The following TBXAS1 variants were observed in gnomAD, a reference collection of about 807,000 sequenced individuals.
TBXAS1 encodes the protein thromboxane-A synthase.
A neutral mutation model predicts 60.7 loss-of-function variants in TBXAS1; 48 were observed. The observed-to-expected ratio is 0.79, with a 90% CI of 0.63 to 1.01. The LOEUF (loss-of-function observed/expected upper bound fraction) is 1.01, where lower values mean the gene tolerates loss of function less well. Among genes scored for constraint, TBXAS1 ranks in the 50% least tolerant of loss-of-function variants. TBXAS1 has a pLI of 0.00. For missense variants in TBXAS1, 685 were observed against 686.3 expected (o/e 1.00, Z 0.02); for synonymous variants, 287 against 269.7 (o/e 1.06, Z -0.63).
chr7:139,831,652 C>T (rs1307649940), intron 1 of TBXAS1, among the ~76,000 whole-genome samples: 8 of 152,320 alleles, frequency 5.3e-5, no homozygotes, highest in Non-Finnish European at 4.4e-5. Context: ...ATCAAATGGG[C>T]TGGGCGCGGT....
chr7:139,821,300 G>A (rs565288703), intron 4 of TBXAS1, among the ~76,000 whole-genome samples: 24 of 152,312 alleles, frequency 1.6e-4, no homozygotes, highest in African/African-American at 5.8e-4. Flanking sequence ...TAGGCTGGTT[G>A]TCAGAGGATG....
intron 4 of TBXAS1, chr7:139,797,375 A>G (rs1020897455): frequency 3.3e-5 from 5 of 152,168 alleles, no homozygotes; most frequent in African/African-American, 4.8e-5. Flanking sequence ...CTCTGCTTGC[A>G]TTGGTCATTG....
rs989296545 is a variant in TBXAS1 at position 139,810,722 on chromosome 7, A to G, written c.-79-18590A>G. ...AGTGCACGCTCTGGGATTATTTTAT[A>G]CTTCACTAGGATGACTTATTTATAG... On this transcript the variant is annotated intron_variant, in intron 4 of 16. Transcript: ENST00000336425. 2.6e-5 allele frequency among the ~76,000 whole-genome samples: 4 copies of G among 152,206 alleles called. No individual in the cohort carries two copies. The East Asian group carries it at 7.7e-4, about 29-fold the overall frequency.
intron 1 of TBXAS1, among the ~76,000 whole-genome samples, chr7:139,847,465 G>A (rs1799894434): frequency 6.6e-6 from 1 of 152,146 alleles, no homozygotes; most frequent in South Asian, 2.1e-4. Flanking sequence ...CACTGCAAAT[G>A]TTTCTTTGCA....
At chr7:140,003,073 G>A (rs1283758421) in intron 9 of TBXAS1, among the ~76,000 whole-genome samples, 2 of 146,524 alleles carry the variant, frequency 1.4e-5, no homozygotes, top group African/African-American at 5.1e-5. Flanking sequence ...GCAGTGAGCC[G>A]AGACCGGGCC....
chr7:139,988,549 GA>G (rs2117577721), intron 9 of TBXAS1, among the ~76,000 whole-genome samples: 1 of 152,262 alleles, frequency 6.6e-6, no homozygotes, highest in African/African-American at 2.4e-5. Context: ...GTCCTGCCCA[GA>G]ACCCTGAGGG....
intron 3 of TBXAS1, among the ~76,000 whole-genome samples, chr7:139,892,648 A>G (rs1241591423): frequency 1.3e-5 from 2 of 152,112 alleles, no homozygotes; most frequent in African/African-American, 4.8e-5. Context: ...AAAAAACTTG[A>G]GCACCTACCT....
rs533333706 is a variant in TBXAS1 at position 139,814,955 on chromosome 7, G to A, written c.-79-14357G>A. 1.8e-3 allele frequency among the ~76,000 whole-genome samples: 274 copies of A among 152,288 alleles called. 4 individuals are homozygous for A. The highest frequency in any genetic ancestry group is 6.0e-3 in the African/African-American group (251 of 41,546). On this transcript the variant is annotated intron_variant, in intron 4 of 16. Transcript: ENST00000336425. ...TCATCCTCCCCTAGCACCTGTCTCT[G>A]TGCCTTTCACCTTAAGGGTGTTCTA...
intron 9 of TBXAS1, among the ~76,000 whole-genome samples, chr7:139,978,118 G>A (rs540127558): frequency 1.3e-5 from 2 of 152,270 alleles, no homozygotes; most frequent in South Asian, 4.1e-4. Flanking sequence ...GTTAAGGCCT[G>A]CTGCAGAAAC....
At chr7:139,783,470 T>C (rs1336974823) in intron 3 of TBXAS1, among the ~76,000 whole-genome samples, 1 of 151,992 alleles carries the variant, frequency 6.6e-6, no homozygotes, top group Non-Finnish European at 1.5e-5. Context: ...GATTTGCACA[T>C]GAGAAGCAGT....
chr7:139,790,294 C>A (rs559969600), intron 4 of TBXAS1, among the ~76,000 whole-genome samples: 3 of 152,328 alleles, frequency 2.0e-5, no homozygotes, highest in South Asian at 2.1e-4. Context: ...TTGAAACATT[C>A]AAGCTGCTCT....
chr7:139,886,633 G>A (rs921810455), intron 3 of TBXAS1, among the ~76,000 whole-genome samples: 2 of 152,082 alleles, frequency 1.3e-5, no homozygotes, highest in African/African-American at 4.8e-5. Flanking sequence ...GGAAATCCAG[G>A]TACTCCCTGG....
At chr7:139,818,529 T>C (rs1283971586) in intron 4 of TBXAS1, among the ~76,000 whole-genome samples, 1 of 152,116 alleles carries the variant, frequency 6.6e-6, no homozygotes, top group Non-Finnish European at 1.5e-5. Flanking sequence ...TCAGTTCTTA[T>C]TTCTATACTG....
intron 1 of TBXAS1, among the ~76,000 whole-genome samples, chr7:139,780,222 C>T (rs1569488290): frequency 1.3e-5 from 2 of 152,120 alleles, no homozygotes; most frequent in Non-Finnish European, 2.9e-5. Context: ...AATACATACC[C>T]TACATGCATG....
chr7:139,929,362 A>G (rs558014056), intron 4 of TBXAS1, among the ~76,000 whole-genome samples: 3 of 152,154 alleles, frequency 2.0e-5, no homozygotes, highest in Admixed American at 2.0e-4. Context: ...CACAGGCTAA[A>G]CTAATTCCGA....
chr7:139,842,624 C>G (rs1799527063), intron 1 of TBXAS1, among the ~76,000 whole-genome samples: 1 of 152,216 alleles, frequency 6.6e-6, no homozygotes, highest in South Asian at 2.1e-4. Flanking sequence ...CCACATCTTT[C>G]CTGGTTTACC....
intron 9 of TBXAS1, among the ~76,000 whole-genome samples, chr7:139,982,413 G>T (rs970053191): frequency 3.9e-5 from 6 of 152,132 alleles, no homozygotes; most frequent in African/African-American, 1.2e-4. Context: ...AACACTAACA[G>T]AGTCAAAGAG....
chr7:139,955,881 G>A (rs1283913998), intron 7 of TBXAS1, among the ~76,000 whole-genome samples: 1 of 152,242 alleles, frequency 6.6e-6, no homozygotes, highest in Non-Finnish European at 1.5e-5. Context: ...GGCACGGGGT[G>A]TGCGTTGCCT....
intron 1 of TBXAS1, among the ~76,000 whole-genome samples, chr7:139,845,831 T>G (rs1053133203): frequency 1.3e-5 from 2 of 151,352 alleles, no homozygotes; most frequent in African/African-American, 4.9e-5. Context: ...TAGTTTTTTT[T>G]TTTTTTTTTT....
Sources: allele counts gnomAD v4.1 joint callset (sites outside exome capture counted in the v4.1 genomes callset), GRCh38; gene constraint gnomAD v4.1.1; transcripts MANE v1.5; gene names NCBI Gene and HGNC (gene_info 2026-07-23, HGNC 2026-07-21).